COG5: variants seen among roughly 807,000 people sequenced by gnomAD.
The protein encoded by COG5 is conserved oligomeric Golgi complex subunit 5.
Under a neutral mutation model 110.4 loss-of-function variants are expected in COG5, and 86 were observed. That is an observed-to-expected ratio of 0.78 (90% CI 0.65 to 0.93). COG5 has a LOEUF of 0.93. Among genes scored for constraint, COG5 ranks in the 40% least tolerant of loss-of-function variants. COG5 has a pLI of 0.00. For synonymous variants in COG5, 360 were observed against 334.6 expected (o/e 1.08, Z -0.83); for missense variants, 1,077 against 987.0 (o/e 1.09, Z -1.22).
chr7:107,315,662 A>T (rs1159385933), intron 11 of COG5, among the ~76,000 whole-genome samples: 1 of 152,030 alleles, frequency 6.6e-6, no homozygotes, highest in Non-Finnish European at 1.5e-5. Context: ...CCAAAACATT[A>T]CTTACTTAGA....
At chr7:107,493,560 A>G (rs1246128571) in intron 6 of COG5, among the ~76,000 whole-genome samples, 3 of 152,190 alleles carry the variant, frequency 2.0e-5, no homozygotes, top group Non-Finnish European at 4.4e-5. Context: ...TTATAATTTT[A>G]GACTCCTCTC....
At chr7:107,376,087 A>G (rs1430738798) in intron 7 of COG5, among the ~76,000 whole-genome samples, 1 of 152,048 alleles carries the variant, frequency 6.6e-6, no homozygotes, top group Non-Finnish European at 1.5e-5. Context: ...GCACTCCCGA[A>G]AAGTCACCTT....
chr7:107,543,199 A>G (rs1218733202), intron 5 of COG5, among the ~76,000 whole-genome samples: 1 of 152,280 alleles, frequency 6.6e-6, no homozygotes, highest in South Asian at 2.1e-4. Context: ...AAGTTAAAGA[A>G]ACCAGGTAAG....
In COG5 at chr7:107,539,314, T is replaced by G. The variant is rs1801812351; in HGVS notation, c.417+8797A>C. On this transcript the variant is annotated intron_variant, in intron 5 of 21. Transcript: ENST00000297135. The stretch of plus-strand genomic sequence containing the variant: ...TGAAATGACATGTTATTCAAGGACC[T>G]GCTGTATGTTCTTTTACTTAAAGTT... Among the ~76,000 whole-genome samples, 5 of 152,216 alleles carry G rather than the reference T, an allele frequency of 3.3e-5. No homozygotes were observed. The South Asian group carries it at 1.0e-3, about 32-fold the overall frequency.
chr7:107,452,614 T>A (rs1795407291), intron 6 of COG5, among the ~76,000 whole-genome samples: 1 of 152,214 alleles, frequency 6.6e-6, no homozygotes, highest in Non-Finnish European at 1.5e-5. Flanking sequence ...CTTTGGCCCC[T>A]ATCATCCATG....
intron 14 of COG5, among the ~76,000 whole-genome samples, chr7:107,275,097 G>C (rs1225999830): frequency 6.6e-6 from 1 of 152,116 alleles, no homozygotes; most frequent in African/African-American, 2.4e-5. Flanking sequence ...AGGCCAGAAA[G>C]CTGTCTTGAA....
chr7:107,540,101 GGTT>G (rs977603637), intron 5 of COG5, among the ~76,000 whole-genome samples: 1 of 152,154 alleles, frequency 6.6e-6, no homozygotes, highest in African/African-American at 2.4e-5. Context: ...CAAAAACAGA[GGTT>G]GTGCAGATAA....
At chr7:107,260,332 T>C (rs1305458930) in intron 14 of COG5, among the ~76,000 whole-genome samples, 2 of 152,130 alleles carry the variant, frequency 1.3e-5, no homozygotes, top group East Asian at 3.9e-4. Flanking sequence ...AAAAGCCACA[T>C]ATTAAATGGT....
Position 107,474,483 on chromosome 7 carries a change from T to A in COG5, c.538+52754A>T. On this transcript the variant is annotated intron_variant, in intron 6 of 21. Coordinates refer to ENST00000297135, the MANE Select transcript of COG5 (RefSeq NM_006348.5). The surrounding 1 kb of genome is among the most constrained non-coding windows in gnomAD (Gnocchi z 5.7). ...TTTTTGCTATCACTTTGGACAGATA[T>A]GACATCTCTGTAAAACCTGCAAACC... is the stretch of plus-strand genomic sequence containing the variant. 1 of 1,613,358 alleles carries A rather than the reference T, an allele frequency of 6.2e-7. No individual in the cohort carries two copies. The highest frequency in any genetic ancestry group is 8.5e-7 in the Non-Finnish European group (1 of 1,179,534).
At chr7:107,348,122 T>C (rs1047307558) in intron 10 of COG5, among the ~76,000 whole-genome samples, 10 of 79,880 alleles carry the variant, frequency 1.3e-4, no homozygotes, top group African/African-American at 2.8e-4. Context: ...TGAGACTCCA[T>C]CTCAAAAAAA....
rs199938256 is a variant in COG5 at position 107,415,823 on chromosome 7, CGTAT to C, written c.539-3195_539-3192del. ...ATGTGTGTATATATACACACATACA[CGTAT>C]GTATGTATGTGTGTGTATATATACA... is the stretch of plus-strand genomic sequence containing the variant. On this transcript the variant is annotated intron_variant, in intron 6 of 21. Coordinates refer to ENST00000297135, the MANE Select transcript of COG5 (RefSeq NM_006348.5). Among the ~76,000 whole-genome samples the C allele has an allele frequency of 5.4e-3, 388 of 72,508 alleles. 44 individuals are homozygous for C. Among genetic ancestry groups the C allele is most frequent in the Non-Finnish European group, 0.01 (294 of 28,248 alleles). The allele number at this position is 72,508 out of a possible 152,430, so 47.6% of individuals were successfully genotyped here.
At chr7:107,423,424 G>C (rs1793428553) in intron 6 of COG5, among the ~76,000 whole-genome samples, 1 of 152,064 alleles carries the variant, frequency 6.6e-6, no homozygotes, top group Non-Finnish European at 1.5e-5. Flanking sequence ...AGTTGATCTA[G>C]AACATTAAGG....
At chr7:107,367,569 T>TATAC (rs1562992733) in intron 8 of COG5, among the ~76,000 whole-genome samples, 1 of 150,710 alleles carries the variant, frequency 6.6e-6, no homozygotes, top group African/African-American at 2.4e-5. Flanking sequence ...TGTATATATA[T>TATAC]ACACACACAC....
chr7:107,239,649 T>C (rs1232264373), intron 17 of COG5, among the ~76,000 whole-genome samples: 2 of 152,202 alleles, frequency 1.3e-5, no homozygotes, highest in Admixed American at 6.5e-5. Context: ...TAGTTTTCAG[T>C]GTATAGATAT....
At chr7:107,350,885 C>G (rs1812077561) in intron 10 of COG5, among the ~76,000 whole-genome samples, 1 of 152,188 alleles carries the variant, frequency 6.6e-6, no homozygotes, top group Non-Finnish European at 1.5e-5. Flanking sequence ...GTGCATTCAC[C>G]TATCACTCAC....
intron 21 of COG5, chr7:107,210,211 G>T: frequency 2.5e-6 from 3 of 1,209,124 alleles, no homozygotes; most frequent in Non-Finnish European, 2.1e-6. Context: ...AAAAGATGCG[G>T]AGCTAGGGCA....
intron 6 of COG5, chr7:107,450,360 T>C (rs765792712): frequency 2.6e-5 from 4 of 152,252 alleles, no homozygotes; most frequent in Non-Finnish European, 4.4e-5. Context: ...GAAAGGCCAG[T>C]AGAAGCTCTA....
chr7:107,285,833 C>A (rs1805580252), intron 12 of COG5, among the ~76,000 whole-genome samples: 1 of 150,262 alleles, frequency 6.7e-6, no homozygotes, highest in African/African-American at 2.5e-5. Flanking sequence ...CCACTGCACT[C>A]CAGCCTGGGC....
At chr7:107,455,133 G>A (rs1384711570) in intron 6 of COG5, among the ~76,000 whole-genome samples, 1 of 152,158 alleles carries the variant, frequency 6.6e-6, no homozygotes, top group African/African-American at 2.4e-5. Flanking sequence ...TGGATGGCAT[G>A]AATACAAAAT....
Sources: allele counts gnomAD v4.1 joint callset (sites outside exome capture counted in the v4.1 genomes callset), GRCh38; gene constraint gnomAD v4.1.1; non-coding constraint Gnocchi (gnomAD v3.1); transcripts MANE v1.5; gene names NCBI Gene and HGNC (gene_info 2026-07-23, HGNC 2026-07-21).